The following FARS2 variants were observed in gnomAD, a reference collection of about 807,000 sequenced individuals.
FARS2 encodes phenylalanyl-tRNA synthetase 2, mitochondrial.
Under a neutral mutation model 46.4 loss-of-function variants are expected in FARS2, and 40 were observed. The ratio of observed to expected loss-of-function variants is 0.86; its 90% confidence interval spans 0.67 to 1.12. The LOEUF (loss-of-function observed/expected upper bound fraction) is 1.12, where lower values mean the gene tolerates loss of function less well. FARS2 is among the 50% of genes most tolerant of loss of function. The pLI is 0.00. For missense variants in FARS2, 513 were observed against 567.9 expected, an observed-to-expected ratio of 0.90 and a Z score of 0.98; for synonymous variants, 234 against 214.9, an observed-to-expected ratio of 1.09 and a Z score of -0.78.
chr6:5,294,264 A>G (rs1055479885), intron 1 of FARS2, among the ~76,000 whole-genome samples: 13 of 152,132 alleles, frequency 8.5e-5, no homozygotes, highest in Admixed American at 2.6e-4. Context: ...GAGGGGAAGG[A>G]AGGAAGCCAG....
chr6:5,402,037 G>A (rs1761287801), intron 2 of FARS2, among the ~76,000 whole-genome samples: 1 of 151,094 alleles, frequency 6.6e-6, no homozygotes, highest in Non-Finnish European at 1.5e-5. Flanking sequence ...TTATATAAAT[G>A]TAATTCCTTC....
chr6:5,603,869 A>G (rs562159440), intron 5 of FARS2, among the ~76,000 whole-genome samples: 1 of 152,228 alleles, frequency 6.6e-6, no homozygotes, highest in South Asian at 2.1e-4. Flanking sequence ...AAGTCAATCC[A>G]TAACAGAGCC....
intron 1 of FARS2, among the ~76,000 whole-genome samples, chr6:5,287,840 A>G: frequency 6.6e-6 from 1 of 152,164 alleles, no homozygotes; most frequent in African/African-American, 2.4e-5. Flanking sequence ...TGTTTTTTTC[A>G]AGAGATGACT....
chr6:5,704,538 A>G (rs532766328), intron 6 of FARS2, among the ~76,000 whole-genome samples: 1 of 152,220 alleles, frequency 6.6e-6, no homozygotes, highest in Non-Finnish European at 1.5e-5. Context: ...CTCTGCAACT[A>G]TGTTTTGTCT....
intron 4 of FARS2, among the ~76,000 whole-genome samples, chr6:5,537,657 C>T (rs1561694982): frequency 6.6e-6 from 1 of 152,198 alleles, no homozygotes; most frequent in Non-Finnish European, 1.5e-5. Context: ...CAAGAGGCCA[C>T]ATGCAGAAGC....
intron 1 of FARS2, among the ~76,000 whole-genome samples, chr6:5,309,394 G>A (rs1352457746): frequency 1.3e-5 from 2 of 152,030 alleles, no homozygotes; most frequent in Non-Finnish European, 2.9e-5. Flanking sequence ...TGTTAGTGTT[G>A]AACTTTTATC....
chr6:5,399,077 G>A (rs548681842), intron 2 of FARS2, among the ~76,000 whole-genome samples: 2 of 150,436 alleles, frequency 1.3e-5, no homozygotes, highest in Admixed American at 1.3e-4. Context: ...CATCATTACT[G>A]TTTGTATTCC....
At chr6:5,257,280 C>T (rs999080189), upstream of FARS2, among the ~76,000 whole-genome samples, 6 of 152,152 alleles carry the variant, frequency 3.9e-5, no homozygotes, top group Admixed American at 6.5e-5. Context: ...ACTTACCTCC[C>T]TGGCAGTGCT....
intron 6 of FARS2, among the ~76,000 whole-genome samples, chr6:5,768,585 G>A (rs1762866004): frequency 6.6e-6 from 1 of 152,186 alleles, no homozygotes. Context: ...ATAATTTGCA[G>A]AGTCCTGTCA....
intron 6 of FARS2, among the ~76,000 whole-genome samples, chr6:5,676,585 T>TA (rs1778780523): frequency 6.6e-6 from 1 of 152,228 alleles, no homozygotes; most frequent in Admixed American, 6.5e-5. Flanking sequence ...ACATGCCTTA[T>TA]AATCATATAT....
intron 6 of FARS2, among the ~76,000 whole-genome samples, chr6:5,645,737 A>C (rs1231688817): frequency 6.6e-6 from 1 of 152,224 alleles, no homozygotes; most frequent in Non-Finnish European, 1.5e-5. Context: ...ATTGTCTGGC[A>C]CAGCCGGCTG....
intron 5 of FARS2, among the ~76,000 whole-genome samples, chr6:5,594,017 C>A (rs1402480627): frequency 6.6e-6 from 1 of 152,220 alleles, no homozygotes; most frequent in Non-Finnish European, 1.5e-5. Flanking sequence ...CTCCTTCACC[C>A]TTCCTGACAT....
At chr6:5,722,136 G>A (rs948357035) in intron 6 of FARS2, among the ~76,000 whole-genome samples, 2 of 152,182 alleles carry the variant, frequency 1.3e-5, no homozygotes, top group East Asian at 1.9e-4. Context: ...GTGACTGCCA[G>A]TATAAGCTGG....
intron 5 of FARS2, among the ~76,000 whole-genome samples, chr6:5,611,283 A>G (rs558644662): frequency 6.6e-6 from 1 of 152,270 alleles, no homozygotes; most frequent in African/African-American, 2.4e-5. Flanking sequence ...TTTTATATGG[A>G]GAAAGCCACT....
chr6:5,614,927 C>G (rs543905577), intron 6 of FARS2, among the ~76,000 whole-genome samples: 1 of 152,242 alleles, frequency 6.6e-6, no homozygotes, highest in African/African-American at 2.4e-5. Context: ...TTGGCTTGGT[C>G]TTTCTTTTTG....
intron 3 of FARS2, among the ~76,000 whole-genome samples, chr6:5,424,079 C>T (rs1762713057): frequency 6.6e-6 from 1 of 152,160 alleles, no homozygotes; most frequent in South Asian, 2.1e-4. Context: ...GGAATCGTGT[C>T]TGTGGGTACT....
chr6:5,760,857 C>T lies in FARS2; in HGVS notation c.1218-10434C>T, dbSNP rs142623753. ...CGCCAGTCTGTGAAACTGCTCTGATCGCTCCTGGACAGGGTGAACCACTTT... is the reference window on the plus strand; with the variant it reads ...CGCCAGTCTGTGAAACTGCTCTGATTGCTCCTGGACAGGGTGAACCACTTT... On this transcript the variant is annotated intron_variant, in intron 6 of 6. Coordinates refer to ENST00000274680, the MANE Select transcript of FARS2 (RefSeq NM_006567.5). Among the ~76,000 whole-genome samples, 22 of 152,348 alleles carry T rather than the reference C, an allele frequency of 1.4e-4. 1 individual carries two copies. The highest frequency in any genetic ancestry group is 2.6e-4 in the Admixed American group (4 of 15,310).
chr6:5,524,745 A>T (rs2150436768), intron 4 of FARS2, among the ~76,000 whole-genome samples: 1 of 152,328 alleles, frequency 6.6e-6, no homozygotes, highest in South Asian at 2.1e-4. Flanking sequence ...CTTGTCCAAG[A>T]TCACCAGCCA....
chr6:5,641,267 G>A (rs181274059), intron 6 of FARS2, among the ~76,000 whole-genome samples: 6 of 151,730 alleles, frequency 4.0e-5, no homozygotes, highest in Admixed American at 2.0e-4. Context: ...TGCACTATCC[G>A]TTTCACGTGT....
Sources: gnomAD v4.1 joint callset for allele counts (sites outside exome capture counted in the v4.1 genomes callset) on GRCh38, gnomAD v4.1.1 for gene constraint, MANE v1.5 for transcripts, NCBI Gene and HGNC (gene_info 2026-07-23, HGNC 2026-07-21) for gene names.